The following PREX1 variants were observed in gnomAD, a reference collection of about 807,000 sequenced individuals.
PREX1 encodes phosphatidylinositol-3,4,5-trisphosphate dependent Rac exchange factor 1, also known as phosphatidylinositol 3,4,5-trisphosphate-dependent Rac exchanger 1 protein.
In PREX1, 41 loss-of-function variants were observed where a neutral mutation model predicts 198.3. That is an observed-to-expected ratio of 0.21 (90% confidence interval 0.16 to 0.27). The LOEUF is 0.27. Among genes scored for constraint, PREX1 ranks in the 10% least tolerant of loss-of-function variants. The pLI is 1.00. For missense variants in PREX1, 1,620 were observed against 2,200.7 expected, an observed-to-expected ratio of 0.74 and a Z score of 5.28; for synonymous variants, 843 against 887.2, an observed-to-expected ratio of 0.95 and a Z score of 0.89.
At position 48,666,199 on chromosome 20, in the gene PREX1, G is replaced by T; in HGVS notation, c.1738+84C>A. 7.2e-7 allele frequency: 1 copy of T among 1,383,402 alleles called. No homozygotes were observed. Among genetic ancestry groups the T allele is most frequent in the Non-Finnish European group, 9.9e-7 (1 of 1,007,420 alleles). The allele number at this position is 1,383,402 out of a possible 1,614,324, so 85.7% of individuals were successfully genotyped here. A position where few individuals can be genotyped will look rare whatever the true frequency, so the allele number is the denominator to read the frequency against. Reference sequence around the variant, plus strand: ...CGGGGGTCTAGAGAGCCACAGACCTGGCTTCAGTCCTCCCATACTCCCCCA... The same window carrying T: ...CGGGGGTCTAGAGAGCCACAGACCTTGCTTCAGTCCTCCCATACTCCCCCA... On this transcript the variant is annotated intron_variant, in intron 15 of 39. Coordinates refer to ENST00000371941, the MANE Select transcript of PREX1 (RefSeq NM_020820.4). This position sits in a 1 kb window ranked among gnomAD's most constrained non-coding sequence, Gnocchi z 4.3.
At chr20:48,750,536 T>G (rs1330719864) in intron 1 of PREX1, among the ~76,000 whole-genome samples, 1 of 152,190 alleles carries the variant, frequency 6.6e-6, no homozygotes, top group Non-Finnish European at 1.5e-5. Flanking sequence ...TCATTCTAGA[T>G]TCTATCCACC....
intron 1 of PREX1, among the ~76,000 whole-genome samples, chr20:48,772,973 ATG>A (rs755533319): frequency 6.6e-6 from 1 of 152,188 alleles, no homozygotes; most frequent in Non-Finnish European, 1.5e-5. Context: ...TGCTCAAGAA[ATG>A]TCCATAACTG....
the PREX1 span, among the ~76,000 whole-genome samples, chr20:48,869,120 C>T: frequency 2.0e-5 from 3 of 152,118 alleles, no homozygotes; most frequent in Admixed American, 2.0e-4. Context: ...AGTGATCCTC[C>T]TGCCTTGACC....
chr20:48,689,421 G>A (rs717709), intron 9 of PREX1, among the ~76,000 whole-genome samples: 74,159 of 151,972 alleles, frequency 0.49, 18,498 homozygotes, highest in South Asian at 0.63. Flanking sequence ...AGAGAAGTTC[G>A]GTTCTCTGCC....
intron 1 of PREX1, among the ~76,000 whole-genome samples, chr20:48,810,362 C>T (rs1031191917): frequency 6.6e-5 from 10 of 151,752 alleles, no homozygotes; most frequent in African/African-American, 2.2e-4. Flanking sequence ...GCAGGAGAAT[C>T]GCTTAAGTCC....
intron 23 of PREX1, 115 bp downstream of exon 23, chr20:48,650,776 TCTC>T: frequency 7.7e-7 from 1 of 1,299,062 alleles, no homozygotes; most frequent in Non-Finnish European, 1.1e-6. Context: ...CACCATACAT[TCTC>T]CTGTTTGTTT....
At chr20:48,850,177 C>T in the PREX1 span, among the ~76,000 whole-genome samples, 1 of 152,206 alleles carries the variant, frequency 6.6e-6, no homozygotes, top group Non-Finnish European at 1.5e-5. Flanking sequence ...CATCCAGCTC[C>T]CTTCAGTCAT....
intron 1 of PREX1, among the ~76,000 whole-genome samples, chr20:48,781,998 T>A (rs967593549): frequency 6.6e-6 from 1 of 152,186 alleles, no homozygotes; most frequent in East Asian, 1.9e-4. Flanking sequence ...GATGAATTTG[T>A]ACTATACAAA....
At chr20:48,876,520 G>A in the PREX1 span, among the ~76,000 whole-genome samples, 64 of 152,314 alleles carry the variant, frequency 4.2e-4, no homozygotes, top group African/African-American at 1.5e-3. Context: ...GGGATGGGTG[G>A]TGGTTGAGGG....
intron 1 of PREX1, among the ~76,000 whole-genome samples, chr20:48,765,483 C>A (rs752490170): frequency 8.5e-5 from 13 of 152,202 alleles, no homozygotes; most frequent in Non-Finnish European, 1.8e-4. Flanking sequence ...GCCTGCATTT[C>A]CAATGAAACG....
chr20:48,812,650 C>G (rs774106586), intron 1 of PREX1, among the ~76,000 whole-genome samples: 13 of 152,136 alleles, frequency 8.5e-5, no homozygotes, highest in Non-Finnish European at 1.6e-4. Flanking sequence ...GGTCCTAATT[C>G]ACCTAATTCC....
chr20:48,675,425 A>T (rs2089701694), intron 14 of PREX1, among the ~76,000 whole-genome samples: 1 of 152,260 alleles, frequency 6.6e-6, no homozygotes, highest in Non-Finnish European at 1.5e-5. Context: ...AATCAATGGA[A>T]TATTATTCAA....
chr20:48,729,447 T>C (rs551601541), intron 4 of PREX1, among the ~76,000 whole-genome samples: 1 of 151,934 alleles, frequency 6.6e-6, no homozygotes, highest in African/African-American at 2.4e-5. Flanking sequence ...GCCCCTAAAC[T>C]CCCGACTAGA....
Position 48,805,744 on chromosome 20 carries a change from G to A in PREX1, c.219+21898C>T, listed in dbSNP as rs369622310. On this transcript the variant is annotated intron_variant, in intron 1 of 39. Coordinates refer to ENST00000371941, the MANE Select transcript of PREX1 (RefSeq NM_020820.4). ...ACTCTTGAGAGAGACACCAGGGATG[G>A]GGCATCCTGCTCCCACCTCAGCCAC... Among the ~76,000 whole-genome samples, 6 of 152,248 alleles carry A rather than the reference G, an allele frequency of 3.9e-5. No homozygotes were observed. The East Asian group carries it at 7.7e-4, about 20-fold the overall frequency.
Position 48,807,820 on chromosome 20 carries a change from G to A in PREX1, c.219+19822C>T, listed in dbSNP as rs796416462. 1.4e-4 allele frequency among the ~76,000 whole-genome samples: 21 copies of A among 152,204 alleles called. No individual in the cohort carries two copies. The South Asian group carries it at 1.5e-3, about 11-fold the overall frequency. ...ACGTTGACTGATAGGGTTTCTCAGC[G>A]GAAATGCAGCTCCACACAGTTCCAA... On this transcript the variant is annotated intron_variant, in intron 1 of 39. Coordinates refer to ENST00000371941, the MANE Select transcript of PREX1 (RefSeq NM_020820.4).
In PREX1 at chr20:48,645,975, C is replaced by T; in HGVS notation, c.3388G>A (p.Val1130Ile). 2 of 1,614,210 alleles carry T rather than the reference C, an allele frequency of 1.2e-6. No homozygotes were observed. Among genetic ancestry groups the T allele is most frequent in the Non-Finnish European group, 8.5e-7 (1 of 1,180,040 alleles). The change falls in exon 26 of 40, where the codon GTC becomes ATC. Residue 1130 changes from valine (V) to isoleucine (I), a missense_variant. Physicochemically the swap from Val to Ile is conservative, Grantham distance 29. Transcript: ENST00000371941. The part of the protein sequence containing the change: ...LAEEASSLPL[V>I]SEESEMDRSD... ...CTGTCCATCTCGCTCTCTTCACTGA[C>T]CAGGGGCAGGGAGGAGGCCTCCTCA...
chr20:48,635,070 C>G (rs1467642588), intron 32 of PREX1, among the ~76,000 whole-genome samples: 1 of 152,204 alleles, frequency 6.6e-6, no homozygotes, highest in Non-Finnish European at 1.5e-5. Flanking sequence ...CCTTTTTGAG[C>G]CTAACACACT....
intron 1 of PREX1, among the ~76,000 whole-genome samples, chr20:48,782,259 A>G (rs2090292951): frequency 6.6e-6 from 1 of 152,200 alleles, no homozygotes; most frequent in Non-Finnish European, 1.5e-5. Flanking sequence ...GTGGGAGATA[A>G]TTGAATCATG....
chr20:48,852,168 C>A, the PREX1 span, among the ~76,000 whole-genome samples: 2 of 151,946 alleles, frequency 1.3e-5, no homozygotes, highest in Non-Finnish European at 2.9e-5. Context: ...GAGTTAAAGA[C>A]CATTATAACC....
Sources: gnomAD v4.1 joint callset for allele counts (sites outside exome capture counted in the v4.1 genomes callset) on GRCh38, gnomAD v4.1.1 for gene constraint, Gnocchi (gnomAD v3.1) non-coding constraint, MANE v1.5 for transcripts, NCBI Gene and HGNC (gene_info 2026-07-23, HGNC 2026-07-21) for gene names.